MARCHF1: variants seen among roughly 807,000 people sequenced by gnomAD.
The protein encoded by MARCHF1 is E3 ubiquitin-protein ligase MARCHF1.
MARCHF1 carries 40 observed loss-of-function variants against 54.2 expected under a neutral mutation model. That is an observed-to-expected ratio of 0.74 (90% CI 0.57 to 0.96). The LOEUF (loss-of-function observed/expected upper bound fraction) is 0.96. Among genes scored for constraint, MARCHF1 ranks in the 40% least tolerant of loss-of-function variants. The pLI is 0.00. For synonymous variants in MARCHF1, 236 were observed against 236.3 expected (o/e 1.00, Z 0.01); for missense variants, 586 against 656.5 (o/e 0.89, Z 1.17).
At chr4:164,216,774 A>G (rs1033085876) in intron 1 of MARCHF1, among the ~76,000 whole-genome samples, 2 of 152,214 alleles carry the variant, frequency 1.3e-5, no homozygotes, top group African/African-American at 4.8e-5. Flanking sequence ...ATGTGAGAGC[A>G]GGGCTCTACT....
At chr4:163,873,792 C>T (rs1238533890) in intron 3 of MARCHF1, among the ~76,000 whole-genome samples, 1 of 152,166 alleles carries the variant, frequency 6.6e-6, no homozygotes, top group Admixed American at 6.5e-5. Context: ...TCCTTTTTGT[C>T]CAAGCCAACT....
At chr4:163,759,953 T>C (rs1267658233) in intron 4 of MARCHF1, among the ~76,000 whole-genome samples, 2 of 152,352 alleles carry the variant, frequency 1.3e-5, no homozygotes, top group Admixed American at 6.5e-5. Context: ...AGGTTTCTAT[T>C]ACTGTTAAAA....
In MARCHF1 at chr4:164,197,161, T is replaced by C. The variant is rs560034363; in HGVS notation, c.-322-85499A>G. On this transcript the variant is annotated intron_variant, in intron 1 of 9. Coordinates refer to ENST00000514618, the MANE Select transcript of MARCHF1 (RefSeq NM_001394959.1). ...CTCCTCCTCCTCCTCGCCCTCCTCA[T>C]CTTCCACTACCTGAGCATCTTCATC... is the stretch of plus-strand genomic sequence containing the variant. 8 of 1,607,928 alleles carry C rather than the reference T, an allele frequency of 5.0e-6. No individual in the cohort carries two copies. In the East Asian group the frequency reaches 1.3e-4, roughly 27 times the overall value.
In MARCHF1 at chr4:163,613,719, C is replaced by T. The variant is rs112081943; in HGVS notation, c.163-326G>A. 1.7e-4 allele frequency: 80 copies of T among 468,556 alleles called. 1 individual carries two copies. Among genetic ancestry groups the T allele is most frequent in the African/African-American group, 1.3e-3 (60 of 47,146 alleles). 29.0% of individuals were successfully genotyped at this position (468,556 alleles called of 1,614,324 possible). A position where few individuals can be genotyped will look rare whatever the true frequency, so the allele number is the denominator to read the frequency against. Reference sequence around the variant, plus strand: ...TTGCTTTGGAAACAAATGAATAATACTTGAAGATCCTATGATACATGGACT... The same window carrying T: ...TTGCTTTGGAAACAAATGAATAATATTTGAAGATCCTATGATACATGGACT... On this transcript the variant is annotated intron_variant, in intron 5 of 9. Coordinates refer to ENST00000514618, the MANE Select transcript of MARCHF1 (RefSeq NM_001394959.1).
chr4:164,117,707 CTGGCCAA>C (rs902183666), intron 1 of MARCHF1, among the ~76,000 whole-genome samples: 4 of 151,984 alleles, frequency 2.6e-5, no homozygotes, highest in Non-Finnish European at 5.9e-5. Context: ...CAAGACTAGC[CTGGCCAA>C]TGTGGAGAAA....
chr4:163,591,105 A>C (rs1459560444), intron 7 of MARCHF1, among the ~76,000 whole-genome samples: 1 of 151,528 alleles, frequency 6.6e-6, no homozygotes, highest in Non-Finnish European at 1.5e-5. Flanking sequence ...TGATCACTTA[A>C]TTTAATCCTT....
chr4:163,719,973 AG>A (rs1745392891), intron 4 of MARCHF1, among the ~76,000 whole-genome samples: 1 of 152,070 alleles, frequency 6.6e-6, no homozygotes, highest in Non-Finnish European at 1.5e-5. Flanking sequence ...CCCATTCTGT[AG>A]GTTGCCTGTT....
At chr4:163,940,356 CT>C (rs1211328705) in intron 3 of MARCHF1, among the ~76,000 whole-genome samples, 2 of 152,064 alleles carry the variant, frequency 1.3e-5, no homozygotes, top group Admixed American at 1.3e-4. Context: ...TTGTACTGCA[CT>C]GGTGTTGATA....
chr4:163,919,172 A>C (rs1751372378), intron 3 of MARCHF1, among the ~76,000 whole-genome samples: 1 of 152,096 alleles, frequency 6.6e-6, no homozygotes, highest in Non-Finnish European at 1.5e-5. Flanking sequence ...TATGAGTTGA[A>C]TTTTATTTGA....
chr4:163,768,387 T>C (rs907371172), intron 4 of MARCHF1, among the ~76,000 whole-genome samples: 4 of 152,224 alleles, frequency 2.6e-5, no homozygotes, highest in Admixed American at 6.5e-5. Context: ...ACAGAAATAT[T>C]AATACTTTAA....
chr4:164,167,564 A>G (rs868751250), intron 1 of MARCHF1, among the ~76,000 whole-genome samples: 19 of 141,092 alleles, frequency 1.3e-4, no homozygotes, highest in African/African-American at 5.7e-4. Flanking sequence ...AAAGTATAGT[A>G]TTGTAAAAAA....
At chr4:164,057,114 A>G (rs1033441912) in intron 2 of MARCHF1, among the ~76,000 whole-genome samples, 2 of 152,302 alleles carry the variant, frequency 1.3e-5, no homozygotes, top group Non-Finnish European at 2.9e-5. Flanking sequence ...AGAATAAAAC[A>G]AAAGAGCATT....
At chr4:164,209,624 C>G (rs1054135676) in intron 1 of MARCHF1, among the ~76,000 whole-genome samples, 1 of 152,088 alleles carries the variant, frequency 6.6e-6, no homozygotes, top group Non-Finnish European at 1.5e-5. Context: ...AAAAGCAAAA[C>G]AAAACAAGAA....
intron 1 of MARCHF1, among the ~76,000 whole-genome samples, chr4:164,263,775 C>T (rs1476886332): frequency 2.6e-5 from 4 of 152,068 alleles, no homozygotes; most frequent in Non-Finnish European, 5.9e-5. Flanking sequence ...TAGAGAAATG[C>T]ATATCAAAAC....
chr4:163,805,336 T>C (rs1337312062), intron 4 of MARCHF1, among the ~76,000 whole-genome samples: 2 of 151,176 alleles, frequency 1.3e-5, no homozygotes, highest in Non-Finnish European at 2.9e-5. Flanking sequence ...TGTGTTTGGA[T>C]GAAAGTAAAA....
intron 1 of MARCHF1, among the ~76,000 whole-genome samples, chr4:164,193,887 T>C (rs1731186293): frequency 6.6e-6 from 1 of 152,240 alleles, no homozygotes; most frequent in Non-Finnish European, 1.5e-5. Flanking sequence ...TTTGTTCACT[T>C]ACCCTAAGAA....
At chr4:163,546,262 G>A (rs1738903057) in intron 8 of MARCHF1, among the ~76,000 whole-genome samples, 1 of 152,146 alleles carries the variant, frequency 6.6e-6, no homozygotes, top group Non-Finnish European at 1.5e-5. Context: ...ATAGGCATGA[G>A]CCCCTGTGCC....
At chr4:164,071,220 A>C (rs1754857087) in intron 2 of MARCHF1, among the ~76,000 whole-genome samples, 1 of 152,190 alleles carries the variant, frequency 6.6e-6, no homozygotes, top group Non-Finnish European at 1.5e-5. Flanking sequence ...AAAGTAAAAC[A>C]TGTTTGTTCA....
intron 5 of MARCHF1, among the ~76,000 whole-genome samples, chr4:163,676,198 A>AC (rs1743911447): frequency 6.7e-6 from 1 of 148,982 alleles, no homozygotes; most frequent in South Asian, 2.1e-4. Context: ...AAAAAAAAAA[A>AC]AAAAAAAAAT....
Sources: allele counts gnomAD v4.1 joint callset (sites outside exome capture counted in the v4.1 genomes callset), GRCh38; gene constraint gnomAD v4.1.1; transcripts MANE v1.5; gene names NCBI Gene and HGNC (gene_info 2026-07-23, HGNC 2026-07-21).